SLC35F3: variants seen among roughly 807,000 people sequenced by gnomAD.
The protein encoded by SLC35F3 is putative thiamine transporter SLC35F3.
Under a neutral mutation model 49.9 loss-of-function variants are expected in SLC35F3, and 25 were observed. That is an observed-to-expected ratio of 0.50 (90% CI 0.37 to 0.70). SLC35F3 has a LOEUF of 0.70. Among genes scored for constraint, SLC35F3 ranks in the 30% least tolerant of loss-of-function variants. SLC35F3 has a pLI of 0.00. For missense variants in SLC35F3, 525 were observed against 639.8 expected (o/e 0.82, Z 1.94); for synonymous variants, 275 against 265.4 (o/e 1.04, Z -0.35).
chr1:234,123,185 A>C (rs759637382), intron 2 of SLC35F3, among the ~76,000 whole-genome samples: 14 of 152,058 alleles, frequency 9.2e-5, no homozygotes, highest in Non-Finnish European at 1.6e-4. Flanking sequence ...AGGGTATCTC[A>C]TTGTGGTTTG....
chr1:234,012,340 A>G (rs1003772774), intron 2 of SLC35F3, among the ~76,000 whole-genome samples: 1 of 152,198 alleles, frequency 6.6e-6, no homozygotes, highest in Non-Finnish European at 1.5e-5. Context: ...CTCTATCTCA[A>G]CTGCAAGAGG....
chr1:234,116,745 C>T (rs1282238806), intron 2 of SLC35F3, among the ~76,000 whole-genome samples: 2 of 152,144 alleles, frequency 1.3e-5, no homozygotes, highest in African/African-American at 4.8e-5. Context: ...AACTCCTGAC[C>T]TCAAGTGATC....
intron 3 of SLC35F3, among the ~76,000 whole-genome samples, chr1:234,301,241 A>G (rs1186382843): frequency 6.6e-6 from 1 of 152,212 alleles, no homozygotes; most frequent in East Asian, 1.9e-4. Context: ...CTAAGAAAAT[A>G]TCAAAGAACA....
rs527664301 is a variant in SLC35F3, at chr1:234,039,295, G to A, written c.283+133537G>A. Among the ~76,000 whole-genome samples the A allele has an allele frequency of 2.0e-5, 3 of 152,314 alleles. 1 individual carries two copies. Among genetic ancestry groups the A allele is most frequent in the African/African-American group, 7.2e-5 (3 of 41,570 alleles). On this transcript the variant is annotated intron_variant, in intron 2 of 7. Transcript: ENST00000366618. Reference sequence around the variant, plus strand: ...ACAGGAGAGTATCCTCGAAGTCAAGGAATGAAACCATTCAAAGAAGTTTCC... The same window carrying A: ...ACAGGAGAGTATCCTCGAAGTCAAGAAATGAAACCATTCAAAGAAGTTTCC...
rs1269845957 is a variant in SLC35F3 at position 234,158,627 on chromosome 1, CT to C, written c.284-72787del. Among the ~76,000 whole-genome samples the C allele has an allele frequency of 4.6e-4, 70 of 152,290 alleles. 1 individual carries two copies. Among genetic ancestry groups the C allele is most frequent in the Admixed American group, 4.5e-3 (69 of 15,298 alleles). ...CTAGTTTTTCATGATCATAAGGAAG[CT>C]TTGTTATAAACATTCTTCTGGTTTA... On this transcript the variant is annotated intron_variant, in intron 2 of 7. Coordinates refer to ENST00000366618, the MANE Select transcript of SLC35F3 (RefSeq NM_173508.4).
At position 234,027,662 on chromosome 1, in the gene SLC35F3, A is replaced by G. The variant is rs1367974977; in HGVS notation, c.283+121904A>G. Reference sequence around the variant, plus strand: ...GGACAGATGTGAATGATAGTGAGAAAATAAAATTGATAAAAATTGGTGACC... The same window carrying G: ...GGACAGATGTGAATGATAGTGAGAAGATAAAATTGATAAAAATTGGTGACC... On this transcript the variant is annotated intron_variant, in intron 2 of 7. Transcript: ENST00000366618. The surrounding 1 kb of genome is among the most constrained non-coding windows in gnomAD (Gnocchi z 4.1). 6.6e-6 allele frequency among the ~76,000 whole-genome samples: 1 copy of G among 152,214 alleles called. No individual in the cohort carries two copies. Among genetic ancestry groups the G allele is most frequent in the Non-Finnish European group, 1.5e-5 (1 of 68,042 alleles).
intron 2 of SLC35F3, among the ~76,000 whole-genome samples, chr1:233,973,833 T>G (rs1172043519): frequency 6.6e-6 from 1 of 152,258 alleles, no homozygotes; most frequent in Non-Finnish European, 1.5e-5. Flanking sequence ...TGGTAATTTC[T>G]AAGCATAAAT....
At chr1:233,987,968 A>G (rs541105961) in intron 2 of SLC35F3, among the ~76,000 whole-genome samples, 23 of 152,344 alleles carry the variant, frequency 1.5e-4, no homozygotes, top group Non-Finnish European at 2.6e-4. Flanking sequence ...TAATAATTAT[A>G]GCAATAGATT....
At chr1:234,040,207 A>G (rs1048445379) in intron 2 of SLC35F3, among the ~76,000 whole-genome samples, 2 of 152,078 alleles carry the variant, frequency 1.3e-5, no homozygotes, top group African/African-American at 4.8e-5. Flanking sequence ...TCTGAAGTCA[A>G]GTTGCCTCTC....
chr1:234,049,050 A>T (rs1487950684), intron 2 of SLC35F3, among the ~76,000 whole-genome samples: 2 of 152,212 alleles, frequency 1.3e-5, no homozygotes, highest in African/African-American at 4.8e-5. Context: ...ATCTGATTTA[A>T]ATCATATTTA....
chr1:234,243,215 C>T (rs908821536), intron 3 of SLC35F3, among the ~76,000 whole-genome samples: 2 of 152,036 alleles, frequency 1.3e-5, no homozygotes, highest in African/African-American at 2.4e-5. Flanking sequence ...ATTAGCTGGG[C>T]GTGGTGGTGC....
chr1:233,910,604 G>A (rs1558175502), intron 2 of SLC35F3, among the ~76,000 whole-genome samples: 1 of 152,138 alleles, frequency 6.6e-6, no homozygotes, highest in Non-Finnish European at 1.5e-5. Flanking sequence ...CTAAGGGTGG[G>A]CAGGATGTTT....
At chr1:233,987,774 A>G (rs1201661128) in intron 2 of SLC35F3, among the ~76,000 whole-genome samples, 1 of 152,136 alleles carries the variant, frequency 6.6e-6, no homozygotes, top group African/African-American at 2.4e-5. Context: ...TTCCTAGACT[A>G]ATCTTTTAAT....
rs1268058033 is a variant in SLC35F3 at position 234,214,473 on chromosome 1, G to A, written c.284-16944G>A. 1.3e-6 allele frequency: 2 copies of A among 1,519,978 alleles called. No homozygotes were observed. Among genetic ancestry groups the A allele is most frequent in the Admixed American group, 4.2e-5 (2 of 47,456 alleles). The allele number at this position is 1,519,978 out of a possible 1,614,324, so 94.2% of individuals were successfully genotyped here. Reference sequence around the variant, plus strand: ...CCCAGGATGTAGGCGATCGGCGGCAGCGCTCCTGCAGGCGGCCGGCTCATC... The same window carrying A: ...CCCAGGATGTAGGCGATCGGCGGCAACGCTCCTGCAGGCGGCCGGCTCATC... On this transcript the variant is annotated intron_variant, in intron 2 of 7. Transcript: ENST00000366618. This position sits in a 1 kb window ranked among gnomAD's most constrained non-coding sequence, Gnocchi z 8.0.
At chr1:233,909,402 C>T (rs1027540749) in intron 2 of SLC35F3, among the ~76,000 whole-genome samples, 8 of 152,162 alleles carry the variant, frequency 5.3e-5, no homozygotes, top group African/African-American at 1.9e-4. Flanking sequence ...ACCTGGGCCA[C>T]AGGAGGGACT....
Position 233,937,607 on chromosome 1 carries a change from A to G in SLC35F3, c.283+31849A>G, listed in dbSNP as rs368075836. Among the ~76,000 whole-genome samples the G allele has an allele frequency of 3.9e-5, 6 of 152,348 alleles. No homozygotes were observed. The South Asian group carries it at 1.2e-3, about 32-fold the overall frequency. On this transcript the variant is annotated intron_variant, in intron 2 of 7. Transcript: ENST00000366618. ...GTTGTTTGATGTTTTGGAAGGGCAA[A>G]TTTGTAGACAAAGAAGAACCTTTGA...
At chr1:234,109,139 C>T (rs1345408289) in intron 2 of SLC35F3, among the ~76,000 whole-genome samples, 2 of 148,716 alleles carry the variant, frequency 1.3e-5, no homozygotes, top group Non-Finnish European at 2.9e-5. Flanking sequence ...TTTATGTGTG[C>T]ATTGTTTGCA....
rs562441301 is a variant in SLC35F3, at chr1:234,125,374, A to G, written c.284-106043A>G. Among the ~76,000 whole-genome samples the G allele has an allele frequency of 5.3e-5, 8 of 152,276 alleles. No homozygotes were observed. In the East Asian group the frequency reaches 1.5e-3, roughly 29 times the overall value. ...TGGGCTTCCTCCCTGCGCTACATCCAGGACCCGGGCTGACGGATCATCCCC... is the reference window on the plus strand; with the variant it reads ...TGGGCTTCCTCCCTGCGCTACATCCGGGACCCGGGCTGACGGATCATCCCC... On this transcript the variant is annotated intron_variant, in intron 2 of 7. Transcript: ENST00000366618.
At chr1:234,223,922 C>G (rs1023548911) in intron 2 of SLC35F3, among the ~76,000 whole-genome samples, 7 of 152,138 alleles carry the variant, frequency 4.6e-5, no homozygotes, top group African/African-American at 1.7e-4. Context: ...CCTCACATGA[C>G]CCCTTCTCTT....
Sources: allele counts gnomAD v4.1 joint callset (sites outside exome capture counted in the v4.1 genomes callset), GRCh38; gene constraint gnomAD v4.1.1; non-coding constraint Gnocchi (gnomAD v3.1); transcripts MANE v1.5; gene names NCBI Gene and HGNC (gene_info 2026-07-23, HGNC 2026-07-21).